The following OR2L13 variants were observed in gnomAD, a reference collection of about 807,000 sequenced individuals.
The protein encoded by OR2L13 is olfactory receptor family 2 subfamily L member 13.
OR2L13 carries 14 observed loss-of-function variants against 15.3 expected under a neutral mutation model. That is an observed-to-expected ratio of 0.91 (90% CI 0.60 to 1.43). The LOEUF (loss-of-function observed/expected upper bound fraction) is 1.43, where lower values mean the gene tolerates loss of function less well. OR2L13 is among the 40% of genes most tolerant of loss of function. OR2L13 has a pLI of 0.00. For synonymous variants in OR2L13, 152 were observed against 142.9 expected (o/e 1.06, Z -0.45); for missense variants, 367 against 387.9 (o/e 0.95, Z 0.45).
At chr1:248,089,240 A>G in the OR2L13 span, among the ~76,000 whole-genome samples, 1 of 152,122 alleles carries the variant, frequency 6.6e-6, no homozygotes, top group African/African-American at 2.4e-5. Context: ...TCAAATGAAG[A>G]GGTACATCTG....
At chr1:248,024,389 A>G in the OR2L13 span, 1 of 152,228 alleles carries the variant, frequency 6.6e-6, no homozygotes, top group East Asian at 1.9e-4. Flanking sequence ...TGCATTCAAT[A>G]TTTACAACAT....
upstream of OR2L13, among the ~76,000 whole-genome samples, chr1:248,094,314 A>T (rs376956424): frequency 6.6e-6 from 1 of 152,202 alleles, no homozygotes; most frequent in Non-Finnish European, 1.5e-5. Context: ...GCCTTCAAAG[A>T]TAAAAAAAGA....
At chr1:247,972,296 A>G in the OR2L13 span, among the ~76,000 whole-genome samples, 1 of 152,224 alleles carries the variant, frequency 6.6e-6, no homozygotes, top group Non-Finnish European at 1.5e-5. Flanking sequence ...AGATGGAGAC[A>G]TGAAAAACCC....
the OR2L13 span, chr1:247,975,323 G>C: frequency 2.0e-6 from 1 of 506,610 alleles, no homozygotes; most frequent in Non-Finnish European, 3.8e-6. Flanking sequence ...GTGTTTTTGA[G>C]CACAACCCTC....
At chr1:247,990,743 C>T in the OR2L13 span, 1,022 of 1,586,380 alleles carry the variant, frequency 6.4e-4, 4 homozygotes, top group African/African-American at 7.7e-3. Context: ...TGTGCTCACA[C>T]GGTATATGCA....
At chr1:248,041,557 T>A in the OR2L13 span, 1 of 152,058 alleles carries the variant, frequency 6.6e-6, no homozygotes, top group African/African-American at 2.4e-5. Flanking sequence ...GAAACTACCA[T>A]CAGAGTGAAC....
the OR2L13 span, among the ~76,000 whole-genome samples, chr1:248,069,155 T>C: frequency 1.3e-5 from 2 of 151,926 alleles, no homozygotes; most frequent in Non-Finnish European, 2.9e-5. Context: ...GAAGAGCAAC[T>C]CCAAGACACA....
the OR2L13 span, among the ~76,000 whole-genome samples, chr1:248,026,260 A>G: frequency 2.6e-5 from 4 of 152,334 alleles, no homozygotes; most frequent in East Asian, 7.7e-4. Flanking sequence ...TTGACCCTTG[A>G]ACAACGCGGA....
At chr1:248,087,754 G>C in the OR2L13 span, among the ~76,000 whole-genome samples, 1 of 152,258 alleles carries the variant, frequency 6.6e-6, no homozygotes, top group South Asian at 2.1e-4. Context: ...TGAATGTAAT[G>C]AACAAATTTA....
chr1:248,038,659 A>G, the OR2L13 span: 5 of 1,614,122 alleles, frequency 3.1e-6, no homozygotes, highest in South Asian at 1.1e-5. Context: ...CCTCTCCACT[A>G]TCCCATCCGT....
the OR2L13 span, among the ~76,000 whole-genome samples, chr1:247,947,420 G>A: frequency 6.6e-6 from 1 of 152,156 alleles, no homozygotes; most frequent in Non-Finnish European, 1.5e-5. Context: ...TAATATTTAA[G>A]CCTAAAAACT....
chr1:248,082,980 G>A, the OR2L13 span, among the ~76,000 whole-genome samples: 1 of 152,180 alleles, frequency 6.6e-6, no homozygotes, highest in South Asian at 2.1e-4. Flanking sequence ...GTGAGACTCT[G>A]GGAAAAGATA....
the OR2L13 span, chr1:248,061,438 C>A: frequency 1.2e-4 from 195 of 1,614,052 alleles, 1 homozygote; most frequent in Middle Eastern, 2.0e-3. Flanking sequence ...CTACTATGCA[C>A]CTTTTGTCTA....
the OR2L13 span, chr1:248,041,403 A>G: frequency 1.3e-5 from 2 of 152,148 alleles, no homozygotes; most frequent in African/African-American, 2.4e-5. Context: ...AACCATAAAA[A>G]CCCTAGAAGA....
the OR2L13 span, among the ~76,000 whole-genome samples, chr1:248,004,228 G>A: frequency 6.6e-6 from 1 of 152,136 alleles, no homozygotes; most frequent in Admixed American, 6.5e-5. Context: ...TTACAAAGAT[G>A]TATATAATTC....
At chr1:248,006,445 A>G in the OR2L13 span, among the ~76,000 whole-genome samples, 1 of 152,040 alleles carries the variant, frequency 6.6e-6, no homozygotes, top group African/African-American at 2.4e-5. Flanking sequence ...GAAACTTCCA[A>G]TGATAACAGC....
chr1:248,061,574 G>T, the OR2L13 span: 39 of 1,613,546 alleles, frequency 2.4e-5, no homozygotes, highest in Non-Finnish European at 3.1e-5. Context: ...GAGGTGATGG[G>T]GGCCCTGACA....
chr1:247,993,144 CT>C, the OR2L13 span, among the ~76,000 whole-genome samples: 1 of 151,910 alleles, frequency 6.6e-6, no homozygotes, highest in Non-Finnish European at 1.5e-5. Flanking sequence ...AGTAATTTTT[CT>C]TGTTTTTTGG....
the OR2L13 span, chr1:248,038,944 G>T: frequency 1.9e-6 from 3 of 1,613,938 alleles, no homozygotes; most frequent in Non-Finnish European, 8.5e-7. Context: ...GCTGTCTACC[G>T]CATGCACTCT....
Sources: allele counts gnomAD v4.1 joint callset (sites outside exome capture counted in the v4.1 genomes callset), GRCh38; gene constraint gnomAD v4.1.1; transcripts MANE v1.5; gene names NCBI Gene and HGNC (gene_info 2026-07-23, HGNC 2026-07-21).